SUGCT: variants seen among roughly 807,000 people sequenced by gnomAD.
The protein encoded by SUGCT is succinyl-CoA:glutarate CoA-transferase.
A neutral mutation model predicts 55.0 loss-of-function variants in SUGCT; 41 were observed. That is an observed-to-expected ratio of 0.74 (90% CI 0.58 to 0.97). The LOEUF is 0.97. Ranked by LOEUF, SUGCT falls within the 50% of genes least tolerant of loss-of-function variation. The probability of loss-of-function intolerance (pLI) is 0.00; values close to 1 mark genes in which losing one functional copy is unlikely to be tolerated. For synonymous variants in SUGCT, 187 were observed against 200.4 expected, an observed-to-expected ratio of 0.93 and a Z score of 0.56; for missense variants, 568 against 547.8, an observed-to-expected ratio of 1.04 and a Z score of -0.37.
chr7:40,745,242 C>G (rs1307245378), intron 12 of SUGCT, among the ~76,000 whole-genome samples: 1 of 152,100 alleles, frequency 6.6e-6, no homozygotes, highest in Non-Finnish European at 1.5e-5. Flanking sequence ...TTACAAATAT[C>G]ATTTGTATAT....
At chr7:40,983,669 A>G in the SUGCT span, among the ~76,000 whole-genome samples, 2 of 152,186 alleles carry the variant, frequency 1.3e-5, no homozygotes, top group Non-Finnish European at 2.9e-5. Context: ...TTTGTGAATT[A>G]AAGTAAACAG....
At chr7:40,799,902 A>G (rs758879343) in intron 13 of SUGCT, among the ~76,000 whole-genome samples, 16 of 152,216 alleles carry the variant, frequency 1.1e-4, no homozygotes, top group Non-Finnish European at 2.2e-4. Context: ...AAGCCAGGTA[A>G]CAAATTTTGG....
At chr7:40,153,874 G>A in intron 1 of SUGCT, 1 of 363,350 alleles carries the variant, frequency 2.8e-6, no homozygotes, top group East Asian at 6.9e-5. Flanking sequence ...TTTGCCATTT[G>A]GAAAAAAGAT....
intron 13 of SUGCT, among the ~76,000 whole-genome samples, chr7:40,854,486 CTT>C (rs1379914597): frequency 8.0e-6 from 1 of 125,458 alleles, no homozygotes; most frequent in Non-Finnish European, 1.6e-5. Context: ...CTCTTTCTCT[CTT>C]TCTTTCTTTC....
At chr7:40,849,656 T>G (rs970476906) in intron 13 of SUGCT, among the ~76,000 whole-genome samples, 2 of 152,140 alleles carry the variant, frequency 1.3e-5, no homozygotes, top group Admixed American at 1.3e-4. Context: ...ATAGATTGGT[T>G]AGATTTCCTT....
chr7:40,242,933 A>ATATATATATATATAT, intron 7 of SUGCT, among the ~76,000 whole-genome samples: 1 of 17,204 alleles, frequency 5.8e-5, no homozygotes, highest in Non-Finnish European at 1.2e-4. Flanking sequence ...ATATATATAT[A>ATATATATATATATAT]TTTTTTTTTT....
chr7:40,779,964 C>T (rs563874235), intron 13 of SUGCT, among the ~76,000 whole-genome samples: 6 of 152,232 alleles, frequency 3.9e-5, no homozygotes, highest in East Asian at 1.9e-4. Flanking sequence ...ACAGTGCTGT[C>T]GGCAAACTGT....
At chr7:40,248,171 C>G (rs1474913738) in intron 7 of SUGCT, among the ~76,000 whole-genome samples, 1 of 151,986 alleles carries the variant, frequency 6.6e-6, no homozygotes, top group Non-Finnish European at 1.5e-5. Context: ...GCCACCATGC[C>G]TGGCTAATTT....
chr7:41,008,466 C>G, the SUGCT span, among the ~76,000 whole-genome samples: 1 of 152,156 alleles, frequency 6.6e-6, no homozygotes, highest in Non-Finnish European at 1.5e-5. Context: ...CAGAAGAAAA[C>G]TAGGTGGGTT....
the SUGCT span, among the ~76,000 whole-genome samples, chr7:40,894,361 A>G: frequency 2.0e-5 from 3 of 152,206 alleles, no homozygotes; most frequent in South Asian, 2.1e-4. Context: ...AACTACAAAA[A>G]TCCTGAAAGA....
chr7:40,729,260 G>T (rs1375202089), intron 12 of SUGCT, among the ~76,000 whole-genome samples: 1 of 152,182 alleles, frequency 6.6e-6, no homozygotes, highest in African/African-American at 2.4e-5. Context: ...ATTAACACTT[G>T]TATGTATCAG....
At chr7:40,845,607 T>TG (rs1478241569) in intron 13 of SUGCT, among the ~76,000 whole-genome samples, 1 of 152,164 alleles carries the variant, frequency 6.6e-6, no homozygotes, top group African/African-American at 2.4e-5. Context: ...ATTGAGAGGA[T>TG]GGTCATGCCA....
intron 6 of SUGCT, among the ~76,000 whole-genome samples, chr7:40,208,933 ATACT>A (rs1035902568): frequency 3.3e-5 from 5 of 152,222 alleles, no homozygotes; most frequent in African/African-American, 1.2e-4. Context: ...TATAGGATAC[ATACT>A]TGTTATTTGC....
chr7:40,684,606 A>G (rs1017767078), intron 12 of SUGCT, among the ~76,000 whole-genome samples: 2 of 152,116 alleles, frequency 1.3e-5, no homozygotes, highest in Non-Finnish European at 2.9e-5. Context: ...AGTTAATACC[A>G]TTTCCTAATA....
intron 8 of SUGCT, among the ~76,000 whole-genome samples, chr7:40,284,906 T>C (rs1217181681): frequency 4.6e-5 from 7 of 152,186 alleles, no homozygotes; most frequent in Admixed American, 3.9e-4. Context: ...TTTGTTGTCT[T>C]CTTGAGGAAA....
chr7:40,293,127 G>A (rs1314894181), intron 8 of SUGCT, among the ~76,000 whole-genome samples: 2 of 152,020 alleles, frequency 1.3e-5, no homozygotes, highest in Non-Finnish European at 2.9e-5. Flanking sequence ...GTCATATTTG[G>A]TAATGAGAAT....
At chr7:40,740,748 T>C (rs1787416307) in intron 12 of SUGCT, among the ~76,000 whole-genome samples, 2 of 151,976 alleles carry the variant, frequency 1.3e-5, no homozygotes, top group South Asian at 4.1e-4. Flanking sequence ...GGTTTAAACA[T>C]TTTATAAGAA....
chr7:40,733,683 C>T (rs1787014188), intron 12 of SUGCT, among the ~76,000 whole-genome samples: 2 of 152,188 alleles, frequency 1.3e-5, no homozygotes, highest in South Asian at 4.1e-4. Flanking sequence ...AGGACTGTCA[C>T]TTGATTGTTC....
intron 12 of SUGCT, among the ~76,000 whole-genome samples, chr7:40,540,041 A>G (rs983121822): frequency 2.0e-5 from 3 of 152,238 alleles, no homozygotes; most frequent in African/African-American, 7.2e-5. Context: ...AATAAGTGGT[A>G]TAGTTGGGAC....
Sources: allele counts gnomAD v4.1 joint callset (sites outside exome capture counted in the v4.1 genomes callset), GRCh38; gene constraint gnomAD v4.1.1; transcripts MANE v1.5; gene names NCBI Gene and HGNC (gene_info 2026-07-23, HGNC 2026-07-21).